The following PDE11A variants were observed in gnomAD, a reference collection of about 807,000 sequenced individuals.
PDE11A encodes the protein phosphodiesterase 11A.
In PDE11A, 100 loss-of-function variants were observed where a neutral mutation model predicts 100.5. That is an observed-to-expected ratio of 1.00 (90% CI 0.85 to 1.18). The LOEUF (loss-of-function observed/expected upper bound fraction) is 1.18, where lower values mean the gene tolerates loss of function less well. Among genes scored for constraint, PDE11A ranks in the 50% most tolerant of loss-of-function variants. The pLI is 0.00. For synonymous variants in PDE11A, 381 were observed against 420.8 expected (o/e 0.91, Z 1.16); for missense variants, 1,141 against 1,152.6 (o/e 0.99, Z 0.15).
chr2:177,811,201 A>C (rs1392623723), intron 9 of PDE11A, among the ~76,000 whole-genome samples: 1 of 152,078 alleles, frequency 6.6e-6, no homozygotes, highest in African/African-American at 2.4e-5. Flanking sequence ...TCCTCCTTTT[A>C]CCTAAGAATT....
rs1181940581 is a variant in PDE11A, at chr2:177,875,853, C to T, written c.1367+6G>A. 2 of 1,600,498 alleles carry T rather than the reference C, an allele frequency of 1.2e-6. No individual in the cohort carries two copies. Among genetic ancestry groups the T allele is most frequent in the East Asian group, 2.2e-5 (1 of 44,822 alleles). Reference sequence around the variant, plus strand: ...TCAAAAGACCCATGAACCCCACAAGCCCTACCTGTTCTCAGCATCAGCACT... The same window carrying T: ...TCAAAAGACCCATGAACCCCACAAGTCCTACCTGTTCTCAGCATCAGCACT... On this transcript the variant is annotated splice_donor_region_variant and intron_variant, in intron 5 of 19. Transcript: ENST00000286063.
intron 2 of PDE11A, among the ~76,000 whole-genome samples, chr2:177,945,229 G>A (rs1216379488): frequency 9.3e-5 from 14 of 151,304 alleles, no homozygotes; most frequent in African/African-American, 2.9e-4. Flanking sequence ...TGCAGCCTCT[G>A]CCCGGCCGCC....
chr2:178,077,558 C>G (rs1301519864), upstream of PDE11A, among the ~76,000 whole-genome samples: 1 of 152,152 alleles, frequency 6.6e-6, no homozygotes, highest in African/African-American at 2.4e-5. Flanking sequence ...ACCAGTATCA[C>G]CTTCCACATA....
At chr2:177,796,498 G>T (rs921744999) in intron 9 of PDE11A, among the ~76,000 whole-genome samples, 7 of 152,090 alleles carry the variant, frequency 4.6e-5, no homozygotes, top group Non-Finnish European at 8.8e-5. Context: ...ATAATGTAGG[G>T]CTCACACCTG....
In PDE11A at chr2:177,769,371, C is replaced by T. The variant is rs1391792926; in HGVS notation, c.1740G>A (p.Val580=). Residue 580 remains valine, a splice_region_variant and synonymous_variant, in exon 10 of 20, where the codon GTG becomes GTA. Transcript: ENST00000286063. The part of the protein sequence containing the change: ...SWAKQSVALD[V]LSYHATCSKA... The stretch of plus-strand genomic sequence containing the variant: ...TTGAACATGTTGCATGGTATGATAG[C>T]ACCTGATTCAGAAGAAAAAAAAATA... 1.9e-6 allele frequency: 3 copies of T among 1,566,726 alleles called. No homozygotes were observed. Among genetic ancestry groups the T allele is most frequent in the East Asian group, 2.2e-5 (1 of 44,622 alleles).
Position 178,072,386 on chromosome 2 carries a change from G to T in PDE11A, c.52C>A (p.His18Asn). 2 of 1,613,778 alleles carry T rather than the reference G, an allele frequency of 1.2e-6. No individual in the cohort carries two copies. The highest frequency in any genetic ancestry group is 1.7e-6 in the Non-Finnish European group (2 of 1,180,032). Residue 18 changes from histidine to asparagine, a missense_variant, in exon 1 of 20, where the codon CAC becomes AAC. Physicochemically the swap from His to Asn is moderately conservative, Grantham distance 68. Transcript: ENST00000286063. ...AAGTAATCTTCAAACAACTCTGGGT[G>T]CCTGTCCAGGAAAGTTTCCACCTCC... ...FGEVETFLDR[H>N]PELFEDYLMR...
chr2:177,781,744 TG>T (rs1422251600), intron 9 of PDE11A, among the ~76,000 whole-genome samples: 2 of 152,150 alleles, frequency 1.3e-5, no homozygotes, highest in Non-Finnish European at 1.5e-5. Flanking sequence ...TCAGGTGATC[TG>T]CCCGCCTCTG....
At chr2:177,988,606 C>T (rs1309533081) in intron 2 of PDE11A, among the ~76,000 whole-genome samples, 2 of 152,182 alleles carry the variant, frequency 1.3e-5, no homozygotes, top group African/African-American at 4.8e-5. Flanking sequence ...AATTTTTGAA[C>T]AAGGGTCCCA....
At position 177,867,938 on chromosome 2, in the gene PDE11A, T is replaced by C. The variant is rs16865870; in HGVS notation, c.1367+7921A>G. 2.3e-3 allele frequency among the ~76,000 whole-genome samples: 350 copies of C among 152,274 alleles called. 2 individuals are homozygous for C. Among genetic ancestry groups the C allele is most frequent in the African/African-American group, 7.9e-3 (330 of 41,564 alleles). The stretch of plus-strand genomic sequence containing the variant: ...TGCTAAGAGCTCCTTGGACTAACTA[T>C]AGAGCTCATCCAGTGGTTTGCCTCA... On this transcript the variant is annotated intron_variant, in intron 5 of 19. Transcript: ENST00000286063.
At chr2:177,945,253 A>G (rs1418952540) in intron 2 of PDE11A, among the ~76,000 whole-genome samples, 10 of 140,728 alleles carry the variant, frequency 7.1e-5, no homozygotes, top group South Asian at 2.4e-4. Flanking sequence ...CCGTCTGGGA[A>G]GTGAGGAGTG....
chr2:177,933,317 G>GA (rs2085232720), intron 2 of PDE11A, among the ~76,000 whole-genome samples: 1 of 151,988 alleles, frequency 6.6e-6, no homozygotes, highest in South Asian at 2.1e-4. Context: ...CATAGAATTG[G>GA]AAAAAACTAG....
At chr2:177,792,460 C>A (rs1464094889) in intron 9 of PDE11A, among the ~76,000 whole-genome samples, 2 of 152,140 alleles carry the variant, frequency 1.3e-5, no homozygotes, top group Non-Finnish European at 2.9e-5. Context: ...CCTCTCCCCC[C>A]ATGGTTTTTG....
intron 1 of PDE11A, among the ~76,000 whole-genome samples, chr2:178,033,848 G>T (rs1220700890): frequency 6.6e-6 from 1 of 152,162 alleles, no homozygotes; most frequent in East Asian, 1.9e-4. Flanking sequence ...AGCAAATGCT[G>T]AGGGATTTTG....
At chr2:178,000,655 T>A (rs974774608) in intron 2 of PDE11A, among the ~76,000 whole-genome samples, 1 of 152,232 alleles carries the variant, frequency 6.6e-6, no homozygotes, top group Non-Finnish European at 1.5e-5. Context: ...CATAGCTGTA[T>A]ATGTACAAAG....
At chr2:177,871,847 T>C (rs2084142279) in intron 5 of PDE11A, among the ~76,000 whole-genome samples, 2 of 152,096 alleles carry the variant, frequency 1.3e-5, no homozygotes, top group East Asian at 1.9e-4. Context: ...GGCAACAGAG[T>C]GAGACCCTGT....
At chr2:177,679,831 T>C (rs1174837847) in intron 16 of PDE11A, among the ~76,000 whole-genome samples, 3 of 150,978 alleles carry the variant, frequency 2.0e-5, no homozygotes, top group African/African-American at 7.3e-5. Context: ...CAGGTTGGGG[T>C]AAGGGGCGAG....
intron 3 of PDE11A, among the ~76,000 whole-genome samples, chr2:177,898,888 G>A (rs960370281): frequency 1.3e-5 from 2 of 152,112 alleles, no homozygotes; most frequent in Non-Finnish European, 2.9e-5. Flanking sequence ...TCTTTACTTT[G>A]TGCCTGTAGA....
rs189697272 is a variant in PDE11A at position 177,745,007 on chromosome 2, C to T, written c.1789-16835G>A. Among the ~76,000 whole-genome samples, 37 of 152,344 alleles carry T rather than the reference C, an allele frequency of 2.4e-4. No homozygotes were observed. In the South Asian group the frequency reaches 5.8e-3, roughly 24 times the overall value. On this transcript the variant is annotated intron_variant, in intron 10 of 19. Transcript: ENST00000286063. ...GAGCTAGAAACAAACCTTTGCAGTG[C>T]TTCTTTCCGCAACATAACCTAGTGA...
chr2:177,703,045 A>G lies in PDE11A; in HGVS notation c.2154-1834T>C, dbSNP rs539305005. Among the ~76,000 whole-genome samples, 6 of 152,236 alleles carry G rather than the reference A, an allele frequency of 3.9e-5. No individual in the cohort carries two copies. The South Asian group carries it at 8.3e-4, about 21-fold the overall frequency. The stretch of plus-strand genomic sequence containing the variant: ...GGCTGTTGAAATTCTGTGATGCTTT[A>G]TATGCATATCACATCCTAGAGCCTG... On this transcript the variant is annotated intron_variant, in intron 13 of 19. Coordinates refer to ENST00000286063, the MANE Select transcript of PDE11A (RefSeq NM_016953.4).
Sources: allele counts gnomAD v4.1 joint callset (sites outside exome capture counted in the v4.1 genomes callset), GRCh38; gene constraint gnomAD v4.1.1; transcripts MANE v1.5; gene names NCBI Gene and HGNC (gene_info 2026-07-23, HGNC 2026-07-21).